ZBTB8A: variants seen among roughly 807,000 people sequenced by gnomAD.
The protein encoded by ZBTB8A is zinc finger and BTB domain-containing protein 8A.
In ZBTB8A, 19 loss-of-function variants were observed where a neutral mutation model predicts 37.8. The ratio of observed to expected loss-of-function variants is 0.50; its 90% CI spans 0.35 to 0.74. ZBTB8A has a LOEUF of 0.74. Ranked by LOEUF, ZBTB8A falls within the 30% of genes least tolerant of loss-of-function variation. The pLI is 0.01. For synonymous variants in ZBTB8A, 181 were observed against 185.2 expected, an observed-to-expected ratio of 0.98 and a Z score of 0.19; for missense variants, 394 against 537.8, an observed-to-expected ratio of 0.73 and a Z score of 2.65.
rs201447099 is a variant in ZBTB8A at position 32,593,617 on chromosome 1, G to A, written c.686G>A (p.Arg229Gln). 92 of 1,614,034 alleles carry A rather than the reference G, an allele frequency of 5.7e-5. No individual in the cohort carries two copies. The highest frequency in any genetic ancestry group is 2.2e-5 in the East Asian group (1 of 44,898). Residue 229 changes from arginine to glutamine, a missense_variant, in exon 3 of 5, where the codon CGA (arginine) becomes CAA (glutamine). This residue lies in a region of ZBTB8A where 171 missense variants were observed against 186.8 expected (regional missense o/e 0.92). Coordinates refer to ENST00000373510, the MANE Select transcript of ZBTB8A (RefSeq NM_001040441.3). The part of the protein sequence containing the change: ...SEVTHYKSSK[R>Q]EVRTSDSSSH... ...GTTACTCATTATAAGTCAAGCAAACGAGAAGTACGAACATCTGATTCTTCC... is the reference window on the plus strand; with the variant it reads ...GTTACTCATTATAAGTCAAGCAAACAAGAAGTACGAACATCTGATTCTTCC...
intron 2 of ZBTB8A, among the ~76,000 whole-genome samples, chr1:32,574,574 A>G (rs1450127202): frequency 6.6e-6 from 1 of 152,178 alleles, no homozygotes; most frequent in Non-Finnish European, 1.5e-5. Flanking sequence ...TCCAGACTGA[A>G]AGACAGAGCA....
chr1:32,565,333 C>CA (rs1557706767), intron 2 of ZBTB8A, among the ~76,000 whole-genome samples: 1 of 151,436 alleles, frequency 6.6e-6, no homozygotes, highest in African/African-American at 2.4e-5. Flanking sequence ...CCCCTCCCCC[C>CA]AAAAAAAGAA....
At chr1:32,559,380 T>C (rs781622353) in intron 2 of ZBTB8A, among the ~76,000 whole-genome samples, 1 of 151,676 alleles carries the variant, frequency 6.6e-6, no homozygotes, top group Non-Finnish European at 1.5e-5. Context: ...GTCTGCTTAT[T>C]TTCATCACCA....
In ZBTB8A at chr1:32,605,245, A is replaced by G. The variant is rs1448296770; in HGVS notation, c.*4826A>G. The G allele has an allele frequency of 1.3e-5, 2 of 152,002 alleles. No individual in the cohort carries two copies. The highest frequency in any genetic ancestry group is 4.8e-5 in the African/African-American group (2 of 41,402). The allele number at this position is 152,002 out of a possible 1,614,324, so 9.4% of individuals were successfully genotyped here. On this transcript the variant is annotated 3_prime_UTR_variant, in exon 5 of 5. Coordinates refer to ENST00000373510, the MANE Select transcript of ZBTB8A (RefSeq NM_001040441.3). ...AGGACCAAACTTTAGATTATAAACCAGAAAGTTTTGTTATTTTATATAAGT... is the reference window on the plus strand; with the variant it reads ...AGGACCAAACTTTAGATTATAAACCGGAAAGTTTTGTTATTTTATATAAGT...
intron 2 of ZBTB8A, among the ~76,000 whole-genome samples, chr1:32,574,759 A>C (rs1644347801): frequency 6.6e-6 from 1 of 152,060 alleles, no homozygotes; most frequent in African/African-American, 2.4e-5. Flanking sequence ...GTTGGTTGAT[A>C]GTATTGCTCA....
rs1034713224 is a variant in ZBTB8A at position 32,605,054 on chromosome 1, G to C, written c.*4635G>C. On this transcript the variant is annotated 3_prime_UTR_variant, in exon 5 of 5. Coordinates refer to ENST00000373510, the MANE Select transcript of ZBTB8A (RefSeq NM_001040441.3). ...TAATCCCAGGTACTCGGGAGGCTGAGGCAGGAGAATCGCTTGAACCCGGGA... is the reference window on the plus strand; with the variant it reads ...TAATCCCAGGTACTCGGGAGGCTGACGCAGGAGAATCGCTTGAACCCGGGA... The C allele has an allele frequency of 2.2e-4, 33 of 151,342 alleles. No individual in the cohort carries two copies. The highest frequency in any genetic ancestry group is 7.8e-4 in the African/African-American group (32 of 41,004). 9.4% of individuals were successfully genotyped at this position (151,342 alleles called of 1,614,324 possible).
intron 1 of ZBTB8A, among the ~76,000 whole-genome samples, chr1:32,550,814 G>T (rs182688237): frequency 6.6e-6 from 1 of 151,676 alleles, no homozygotes; most frequent in Non-Finnish European, 1.5e-5. Flanking sequence ...AAAATTAGGC[G>T]GGTGTGGTGG....
chr1:32,547,062 C>G (rs575350537), intron 1 of ZBTB8A, among the ~76,000 whole-genome samples: 1 of 151,924 alleles, frequency 6.6e-6, no homozygotes, highest in Non-Finnish European at 1.5e-5. Flanking sequence ...CTACCACACA[C>G]CTGGCTAATT....
intron 2 of ZBTB8A, among the ~76,000 whole-genome samples, chr1:32,583,996 G>T (rs1261842404): frequency 6.6e-6 from 1 of 152,086 alleles, no homozygotes; most frequent in Non-Finnish European, 1.5e-5. Context: ...GACCTTAAGT[G>T]ATCCACCTGC....
rs1375713464 is a variant in ZBTB8A, at chr1:32,546,042, A to G, written c.-84+6470A>G. ...TGACCTTTGACATTTCATCACCTCTATATTCTCAGGACCAGGTATAGTCTG... is the reference window on the plus strand; with the variant it reads ...TGACCTTTGACATTTCATCACCTCTGTATTCTCAGGACCAGGTATAGTCTG... On this transcript the variant is annotated intron_variant, in intron 1 of 4. Transcript: ENST00000373510. 5.3e-5 allele frequency among the ~76,000 whole-genome samples: 8 copies of G among 152,174 alleles called. No homozygotes were observed. In the East Asian group the frequency reaches 7.7e-4, roughly 15 times the overall value.
rs1188229916 is a variant in ZBTB8A at position 32,601,670 on chromosome 1, T to C, written c.*1251T>C. 2.5e-6 allele frequency: 1 copy of C among 398,424 alleles called. No individual in the cohort carries two copies. Among genetic ancestry groups the C allele is most frequent in the East Asian group, 3.6e-5 (1 of 28,064 alleles). 24.7% of individuals were successfully genotyped at this position (398,424 alleles called of 1,614,324 possible). A position where few individuals can be genotyped will look rare whatever the true frequency, so the allele number is the denominator to read the frequency against. Reference sequence around the variant, plus strand: ...AAACTGATGATTGGACAGGATCTGATTTTAAACAATCCTCTTTCAGCCTTC... The same window carrying C: ...AAACTGATGATTGGACAGGATCTGACTTTAAACAATCCTCTTTCAGCCTTC... On this transcript the variant is annotated 3_prime_UTR_variant, in exon 5 of 5. Transcript: ENST00000373510.
intron 1 of ZBTB8A, among the ~76,000 whole-genome samples, chr1:32,551,094 C>T (rs1396710346): frequency 6.6e-6 from 1 of 152,098 alleles, no homozygotes; most frequent in African/African-American, 2.4e-5. Flanking sequence ...GCCCTTCTAA[C>T]TCATTAGGGC....
intron 3 of ZBTB8A, 137 bp from the exon 4 acceptor site, chr1:32,594,917 T>C (rs1644518148): frequency 1.0e-6 from 1 of 953,646 alleles, no homozygotes; most frequent in East Asian, 2.7e-5. Context: ...AACCAACTCC[T>C]TGTGAATTCT....
At chr1:32,586,718 G>C (rs1644452536) in intron 2 of ZBTB8A, among the ~76,000 whole-genome samples, 1 of 152,078 alleles carries the variant, frequency 6.6e-6, no homozygotes, top group South Asian at 2.1e-4. Flanking sequence ...GGTCCTGGTA[G>C]CTAGAATGCA....
chr1:32,571,901 T>G (rs976627914), intron 2 of ZBTB8A, among the ~76,000 whole-genome samples: 4 of 150,900 alleles, frequency 2.7e-5, no homozygotes, highest in African/African-American at 9.8e-5. Context: ...AGGTTGGGGG[T>G]TTTTTTTGTT....
At chr1:32,560,611 C>CTTTCTTTTTTTTTTTTTTTTTTTTT (rs1644236625) in intron 2 of ZBTB8A, among the ~76,000 whole-genome samples, 1 of 127,558 alleles carries the variant, frequency 7.8e-6, no homozygotes. Flanking sequence ...CTTTTCTTTT[C>CTTTCTTTTTTTTTTTTTTTTTTTTT]TTTCTTTTTT....
intron 2 of ZBTB8A, among the ~76,000 whole-genome samples, chr1:32,564,914 A>G (rs1276069378): frequency 1.3e-5 from 2 of 152,182 alleles, no homozygotes; most frequent in South Asian, 4.1e-4. Context: ...CCCAAAATCA[A>G]TGACATTCCA....
chr1:32,601,885 G>A lies in ZBTB8A; in HGVS notation c.*1466G>A, dbSNP rs935670411. On this transcript the variant is annotated 3_prime_UTR_variant, in exon 5 of 5. Coordinates refer to ENST00000373510, the MANE Select transcript of ZBTB8A (RefSeq NM_001040441.3). ...AGTAATGTCCCTACAGTACCTATTG[G>A]TATGTTTTTATGTCACGTTATTTAT... 8 of 390,884 alleles carry A rather than the reference G, an allele frequency of 2.0e-5. No individual in the cohort carries two copies. The highest frequency in any genetic ancestry group is 2.7e-5 in the Non-Finnish European group (6 of 222,170). The allele number at this position is 390,884 out of a possible 1,614,324, so 24.2% of individuals were successfully genotyped here.
At chr1:32,568,994 C>T (rs2148230790) in intron 2 of ZBTB8A, among the ~76,000 whole-genome samples, 1 of 152,214 alleles carries the variant, frequency 6.6e-6, no homozygotes, top group South Asian at 2.1e-4. Flanking sequence ...AGGAGTGGAA[C>T]TGCCAGGTCT....
Sources: gnomAD v4.1 joint callset for allele counts (sites outside exome capture counted in the v4.1 genomes callset) on GRCh38, gnomAD v4.1.1 for gene constraint, gnomAD v4.1.1 regional missense constraint, MANE v1.5 for transcripts, NCBI Gene and HGNC (gene_info 2026-07-23, HGNC 2026-07-21) for gene names.